The following EPHB1 variants were observed in gnomAD, a reference collection of about 807,000 sequenced individuals.
EPHB1 encodes the protein ephrin type-B receptor 1.
EPHB1 carries 30 observed loss-of-function variants against 94.4 expected under a neutral mutation model. That is an observed-to-expected ratio of 0.32 (90% confidence interval 0.24 to 0.43). EPHB1 has a LOEUF of 0.43. EPHB1 is among the 20% of genes least tolerant of loss of function. The pLI, the probability that EPHB1 is intolerant of heterozygous loss-of-function variation, is 1.00. For synonymous variants in EPHB1, 522 were observed against 489.1 expected (o/e 1.07, Z -0.89); for missense variants, 1,055 against 1,308.3 (o/e 0.81, Z 2.99).
chr3:135,227,744 A>T (rs114454041), intron 12 of EPHB1, among the ~76,000 whole-genome samples: 3,495 of 152,292 alleles, frequency 0.023, 65 homozygotes, highest in Middle Eastern at 0.048. Flanking sequence ...CATTAATTTT[A>T]AAAAAATAAT....
At chr3:135,004,906 G>T (rs503449) in intron 3 of EPHB1, among the ~76,000 whole-genome samples, 29,611 of 151,562 alleles carry the variant, frequency 0.2, 4,935 homozygotes, top group African/African-American at 0.46. Flanking sequence ...TGGTTTGAAT[G>T]TCCTCCCATA....
At chr3:135,048,224 C>CTTTTTTT (rs71157318) in intron 3 of EPHB1, among the ~76,000 whole-genome samples, 2 of 109,056 alleles carry the variant, frequency 1.8e-5, no homozygotes, top group East Asian at 2.8e-4. Flanking sequence ...AAAAAATACT[C>CTTTTTTT]TTTTTTTTTT....
intron 3 of EPHB1, among the ~76,000 whole-genome samples, chr3:135,047,460 T>C (rs933959018): frequency 1.3e-5 from 2 of 152,146 alleles, no homozygotes; most frequent in Non-Finnish European, 2.9e-5. Context: ...TCTGCAGGTC[T>C]TCTTGTTAAT....
At chr3:134,958,423 T>A (rs1297414689) in intron 3 of EPHB1, among the ~76,000 whole-genome samples, 211 of 149,982 alleles carry the variant, frequency 1.4e-3, no homozygotes, top group Middle Eastern at 3.5e-3. Flanking sequence ...AGTGTGTGTG[T>A]GTGTGTGTGT....
intron 5 of EPHB1, among the ~76,000 whole-genome samples, chr3:135,150,786 G>A (rs1488712099): frequency 6.6e-6 from 1 of 152,156 alleles, no homozygotes; most frequent in Non-Finnish European, 1.5e-5. Flanking sequence ...AAATATTGGT[G>A]ACTCCACATT....
intron 2 of EPHB1, among the ~76,000 whole-genome samples, chr3:134,935,577 C>T (rs752265991): frequency 6.6e-6 from 1 of 152,062 alleles, no homozygotes; most frequent in Non-Finnish European, 1.5e-5. Context: ...AATATAAGAT[C>T]TTATATATAG....
chr3:134,855,472 A>G (rs1018836778), intron 1 of EPHB1, among the ~76,000 whole-genome samples: 7 of 152,194 alleles, frequency 4.6e-5, no homozygotes, highest in Non-Finnish European at 1.0e-4. Flanking sequence ...CTGGACCTGT[A>G]GACAGAGCCT....
intron 3 of EPHB1, among the ~76,000 whole-genome samples, chr3:134,967,908 G>A (rs1441732225): frequency 6.6e-6 from 1 of 152,158 alleles, no homozygotes; most frequent in Non-Finnish European, 1.5e-5. Flanking sequence ...GACTTTTCAG[G>A]AGTCCACACT....
intron 3 of EPHB1, among the ~76,000 whole-genome samples, chr3:135,039,411 C>CCG (rs1936756785): frequency 5.3e-5 from 8 of 152,248 alleles, no homozygotes; most frequent in African/African-American, 1.4e-4. Context: ...CCTGCCAGTC[C>CCG]TGCACCGTGC....
At chr3:135,223,424 G>GA (rs1943318280) in intron 12 of EPHB1, among the ~76,000 whole-genome samples, 1 of 152,286 alleles carries the variant, frequency 6.6e-6, no homozygotes, top group South Asian at 2.1e-4. Flanking sequence ...TTCAGTATTT[G>GA]AAAAGTATAG....
At chr3:135,123,693 T>TGCTCC (rs1940075543) in intron 4 of EPHB1, among the ~76,000 whole-genome samples, 2 of 151,998 alleles carry the variant, frequency 1.3e-5, no homozygotes, top group African/African-American at 4.8e-5. Context: ...CTTTGTTTTC[T>TGCTCC]TATTGTTAAG....
chr3:135,078,481 G>A (rs919077140), intron 3 of EPHB1, among the ~76,000 whole-genome samples: 1 of 152,202 alleles, frequency 6.6e-6, no homozygotes, highest in African/African-American at 2.4e-5. Context: ...GGGCCAGCAG[G>A]TCTGTCCACC....
chr3:134,812,890 C>A (rs993323621), intron 1 of EPHB1, among the ~76,000 whole-genome samples: 1 of 152,152 alleles, frequency 6.6e-6, no homozygotes, highest in Non-Finnish European at 1.5e-5. Context: ...CATATATATT[C>A]TCCGATGAAA....
chr3:134,875,504 G>A (rs73217007), intron 1 of EPHB1, among the ~76,000 whole-genome samples: 9,041 of 152,180 alleles, frequency 0.059, 279 homozygotes, highest in South Asian at 0.11. Flanking sequence ...GAAGCCCCCA[G>A]GGAAACCCGG....
chr3:135,039,465 C>A (rs531018247), intron 3 of EPHB1, among the ~76,000 whole-genome samples: 1 of 152,214 alleles, frequency 6.6e-6, no homozygotes, highest in East Asian at 1.9e-4. Flanking sequence ...GACTGGGCGC[C>A]GTGGAGTAGG....
intron 1 of EPHB1, among the ~76,000 whole-genome samples, chr3:134,909,577 A>G (rs1030329563): frequency 2.6e-5 from 4 of 152,218 alleles, no homozygotes; most frequent in Non-Finnish European, 4.4e-5. Flanking sequence ...TCTGGATCCC[A>G]TCATGTCCAA....
At chr3:134,799,120 C>T (rs1406050563) in intron 1 of EPHB1, among the ~76,000 whole-genome samples, 2 of 152,162 alleles carry the variant, frequency 1.3e-5, no homozygotes, top group Admixed American at 1.3e-4. Flanking sequence ...ATTACTGTGC[C>T]CCTTTGTGGC....
chr3:134,927,232 T>C, intron 2 of EPHB1, among the ~76,000 whole-genome samples: 1 of 152,166 alleles, frequency 6.6e-6, no homozygotes, highest in East Asian at 1.9e-4. Context: ...ATCGGGACAT[T>C]TGGGTCACAG....
intron 1 of EPHB1, among the ~76,000 whole-genome samples, chr3:134,847,630 CAAG>C (rs2036900689): frequency 6.6e-6 from 1 of 152,138 alleles, no homozygotes; most frequent in Admixed American, 6.5e-5. Flanking sequence ...AAGATGAGGA[CAAG>C]AAGAAGGCAG....
Sources: gnomAD v4.1 joint callset for allele counts (sites outside exome capture counted in the v4.1 genomes callset) on GRCh38, gnomAD v4.1.1 for gene constraint, MANE v1.5 for transcripts, NCBI Gene and HGNC (gene_info 2026-07-23, HGNC 2026-07-21) for gene names.